The following PKHD1 variants were observed in gnomAD, a reference collection of about 807,000 sequenced individuals.
PKHD1 encodes the protein fibrocystin.
In PKHD1, 291 loss-of-function variants were observed where a neutral mutation model predicts 412.0. The observed-to-expected ratio is 0.71, with a 90% CI of 0.64 to 0.78. The LOEUF (loss-of-function observed/expected upper bound fraction) is 0.78, where lower values mean the gene tolerates loss of function less well. PKHD1 is among the 30% of genes least tolerant of loss of function. PKHD1 has a pLI of 0.00. For missense variants in PKHD1, 4,825 were observed against 4,950.7 expected (o/e 0.97, Z 0.76); for synonymous variants, 1,777 against 1,821.5 (o/e 0.98, Z 0.62).
chr6:51,833,158 C>T (rs1768566253), intron 51 of PKHD1, among the ~76,000 whole-genome samples: 2 of 152,110 alleles, frequency 1.3e-5, no homozygotes, highest in South Asian at 4.1e-4. Flanking sequence ...ATATTTCAAA[C>T]AAGCAATGAT....
intron 46 of PKHD1, among the ~76,000 whole-genome samples, chr6:51,873,331 T>C (rs1776298847): frequency 6.6e-6 from 1 of 152,226 alleles, no homozygotes; most frequent in African/African-American, 2.4e-5. Context: ...TTAATCTATA[T>C]CGATAGAAGG....
chr6:51,685,651 T>A (rs1777326719), intron 60 of PKHD1, among the ~76,000 whole-genome samples: 1 of 152,170 alleles, frequency 6.6e-6, no homozygotes, highest in Non-Finnish European at 1.5e-5. Context: ...ATGATTCAAC[T>A]TATAACCTAA....
At chr6:52,012,178 A>C (rs1799914634) in intron 34 of PKHD1, among the ~76,000 whole-genome samples, 3 of 152,234 alleles carry the variant, frequency 2.0e-5, no homozygotes. Context: ...CACATTTATA[A>C]AATGGAGTTG....
At chr6:51,658,528 G>A (rs1002860129) in intron 61 of PKHD1, among the ~76,000 whole-genome samples, 1 of 152,042 alleles carries the variant, frequency 6.6e-6, no homozygotes, top group Non-Finnish European at 1.5e-5. Flanking sequence ...AATACTAATA[G>A]CTTATTAGCA....
At chr6:51,632,234 C>A (rs1458148646) in intron 65 of PKHD1, among the ~76,000 whole-genome samples, 1 of 152,044 alleles carries the variant, frequency 6.6e-6, no homozygotes, top group East Asian at 1.9e-4. Flanking sequence ...TTCTTTAACT[C>A]ACTTTTTGAA....
chr6:51,857,468 G>T (rs972528620), intron 48 of PKHD1, among the ~76,000 whole-genome samples: 2 of 152,208 alleles, frequency 1.3e-5, no homozygotes, highest in Non-Finnish European at 2.9e-5. Flanking sequence ...GAACAAATGG[G>T]TAACAACTGA....
chr6:51,903,305 C>G (rs138119881), intron 43 of PKHD1, among the ~76,000 whole-genome samples: 257 of 152,302 alleles, frequency 1.7e-3, no homozygotes, highest in African/African-American at 5.8e-3. Flanking sequence ...ACTTTTGGAG[C>G]AAGCTTGTCC....
chr6:51,927,144 C>T (rs1785769385), intron 37 of PKHD1, among the ~76,000 whole-genome samples: 2 of 152,082 alleles, frequency 1.3e-5, no homozygotes, highest in Admixed American at 6.6e-5. Context: ...TTTAATCCTC[C>T]TTCCTTCCCA....
chr6:52,065,184 G>GAGAGAGAGAGAGAGAGAGAC (rs1554220742), intron 12 of PKHD1, 134 bp from the exon 13 acceptor site: 37 of 119,410 alleles, frequency 3.1e-4, no homozygotes, highest in African/African-American at 1.1e-3. Context: ...GAGAGAGAGA[G>GAGAGAGAGAGAGAGAGAGAC]AGAGAGAGAG....
intron 35 of PKHD1, among the ~76,000 whole-genome samples, chr6:51,974,080 T>C (rs1439007897): frequency 6.6e-6 from 1 of 152,120 alleles, no homozygotes; most frequent in African/African-American, 2.4e-5. Flanking sequence ...ACAGACCCCA[T>C]GAAAAAGGGG....
intron 24 of PKHD1, 64 bp downstream of exon 24, chr6:52,045,940 T>A: frequency 9.0e-7 from 1 of 1,115,676 alleles, no homozygotes; most frequent in Non-Finnish European, 1.4e-6. Flanking sequence ...AATTCTGATT[T>A]TTTTTTTTGC....
intron 35 of PKHD1, among the ~76,000 whole-genome samples, chr6:51,981,353 C>G (rs553155567): frequency 2.8e-3 from 274 of 96,544 alleles, no homozygotes; most frequent in Non-Finnish European, 3.7e-3. Flanking sequence ...CTCCCTCTCC[C>G]TCTCCCTCTC....
chr6:51,974,752 A>C (rs2499472), intron 35 of PKHD1, among the ~76,000 whole-genome samples: 92,435 of 152,020 alleles, frequency 0.61, 28,633 homozygotes, highest in Admixed American at 0.68. Context: ...CATTGGGTAC[A>C]GTGCACACTG....
At chr6:51,976,597 G>T (rs1177851719) in intron 35 of PKHD1, among the ~76,000 whole-genome samples, 3 of 152,182 alleles carry the variant, frequency 2.0e-5, no homozygotes. Context: ...TGTACTAAAT[G>T]TACACTTAAA....
chr6:52,028,873 A>G (rs1802622276), intron 29 of PKHD1, among the ~76,000 whole-genome samples: 1 of 152,242 alleles, frequency 6.6e-6, no homozygotes, highest in Non-Finnish European at 1.5e-5. Flanking sequence ...AAAAATTGGC[A>G]GGACAATTGT....
At chr6:51,855,205 C>T (rs1019554393) in intron 49 of PKHD1, among the ~76,000 whole-genome samples, 1 of 151,984 alleles carries the variant, frequency 6.6e-6, no homozygotes, top group Non-Finnish European at 1.5e-5. Context: ...CCGCACCACA[C>T]TGCTCTTCCT....
intron 49 of PKHD1, among the ~76,000 whole-genome samples, chr6:51,855,582 A>G (rs141698227): frequency 5.9e-5 from 9 of 152,250 alleles, no homozygotes; most frequent in Non-Finnish European, 1.2e-4. Flanking sequence ...AAGAAATGCA[A>G]TGCTATAAGA....
At chr6:51,625,493 A>G (rs939701827) in intron 66 of PKHD1, among the ~76,000 whole-genome samples, 4 of 152,184 alleles carry the variant, frequency 2.6e-5, no homozygotes, top group African/African-American at 9.7e-5. Context: ...GAGGATTCGG[A>G]TAACACATTT....
chr6:51,806,472 A>G (rs1326583), intron 52 of PKHD1, among the ~76,000 whole-genome samples: 90,814 of 151,970 alleles, frequency 0.6, 27,541 homozygotes, highest in East Asian at 0.78. Context: ...GGAGAGAGCA[A>G]GAATAGAGGA....
Sources: allele counts gnomAD v4.1 joint callset (sites outside exome capture counted in the v4.1 genomes callset), GRCh38; gene constraint gnomAD v4.1.1; transcripts MANE v1.5; gene names NCBI Gene and HGNC (gene_info 2026-07-23, HGNC 2026-07-21).